USP35: variants seen among roughly 807,000 people sequenced by gnomAD.
The protein encoded by USP35 is ubiquitin specific peptidase 35.
Under a neutral mutation model 83.8 loss-of-function variants are expected in USP35, and 69 were observed. The ratio of observed to expected loss-of-function variants is 0.82; its 90% CI spans 0.68 to 1.01. The LOEUF (loss-of-function observed/expected upper bound fraction) is 1.01, where lower values mean the gene tolerates loss of function less well. Ranked by LOEUF, USP35 falls within the 50% of genes least tolerant of loss-of-function variation. USP35 has a pLI of 0.00. For synonymous variants in USP35, 714 were observed against 589.5 expected, an observed-to-expected ratio of 1.21 and a Z score of -3.06; for missense variants, 1,503 against 1,362.5, an observed-to-expected ratio of 1.10 and a Z score of -1.62.
intron 1 of USP35, among the ~76,000 whole-genome samples, chr11:78,194,028 G>A (rs1045366753): frequency 5.3e-5 from 8 of 151,182 alleles, no homozygotes; most frequent in African/African-American, 9.7e-5. Context: ...CACCGCGCCC[G>A]GCCGCATCTG....
chr11:78,217,068 A>G (rs1038559568), downstream of USP35: 4 of 152,394 alleles, frequency 2.6e-5, no homozygotes, highest in African/African-American at 4.8e-5. Flanking sequence ...CCTCCTCTGT[A>G]AAAATCTGAC....
chr11:78,217,965 G>A (rs1323630520), downstream of USP35: 1 of 152,788 alleles, frequency 6.5e-6, no homozygotes, highest in Admixed American at 6.5e-5. Context: ...CCCATCCTAG[G>A]AACGGTCCTC....
the USP35 span, chr11:78,226,471 G>A: frequency 1.9e-6 from 3 of 1,612,490 alleles, no homozygotes; most frequent in Non-Finnish European, 2.5e-6. Flanking sequence ...TGACCTCGGT[G>A]AAGTCGGCTG....
the USP35 span, chr11:78,225,098 C>T: frequency 1.9e-6 from 3 of 1,592,576 alleles, no homozygotes; most frequent in Non-Finnish European, 2.6e-6. Context: ...TTGGGTTAAC[C>T]CACACTCACC....
At position 78,207,565 on chromosome 11, in the gene USP35, A is replaced by C; in HGVS notation, c.1427A>C (p.Asn476Thr). 6.2e-7 allele frequency: 1 copy of C among 1,614,052 alleles called. No individual in the cohort carries two copies. Among genetic ancestry groups the C allele is most frequent in the Non-Finnish European group, 8.5e-7 (1 of 1,180,002 alleles). ...TGTGTGCTCCGCTTGACTGAGAACA[A>C]CTCACAGCCCCTGATGACCAAGCTG... ...RHCVLRLTENNSQPLMTKLQW... is the reference protein window; with the variant it reads ...RHCVLRLTENTSQPLMTKLQW... The change falls in exon 8 of 11, where the codon AAC (asparagine) becomes ACC (threonine). Residue 476 changes from asparagine (N) to threonine (T), a missense_variant. Physicochemically the swap from Asn to Thr is moderately conservative, Grantham distance 65. Coordinates refer to ENST00000529308, the MANE Select transcript of USP35 (RefSeq NM_020798.4).
At chr11:78,199,044 CTG>C (rs1863253720) in intron 3 of USP35, 1 of 156,214 alleles carries the variant, frequency 6.4e-6, no homozygotes, top group African/African-American at 2.4e-5. Context: ...CACAGGCAGG[CTG>C]TGTTGTGGGG....
At position 78,214,061 on chromosome 11, in the gene USP35, GCA is replaced by G. The variant is rs1863940143; in HGVS notation, c.*254_*255del. ...GGTTAACTTGAAGCAGCCGAGATGG[GCA>G]CACACGGGTCTTTGCCTCCCCCTCC... On this transcript the variant is annotated 3_prime_UTR_variant, in exon 11 of 11. Coordinates refer to ENST00000529308, the MANE Select transcript of USP35 (RefSeq NM_020798.4). The G allele has an allele frequency of 9.9e-6, 4 of 402,394 alleles. No homozygotes were observed. Among genetic ancestry groups the G allele is most frequent in the Non-Finnish European group, 1.3e-5 (3 of 229,568 alleles). 24.9% of individuals were successfully genotyped at this position (402,394 alleles called of 1,614,324 possible).
intron 8 of USP35, 21 bp downstream of exon 8, chr11:78,207,644 A>T: frequency 2.5e-6 from 4 of 1,611,116 alleles, no homozygotes; most frequent in Non-Finnish European, 3.4e-6. Flanking sequence ...GGGCAGTCAG[A>T]GGGGGGTGGA....
At chr11:78,204,593 G>T (rs1425799959) in intron 6 of USP35, among the ~76,000 whole-genome samples, 1 of 152,194 alleles carries the variant, frequency 6.6e-6, no homozygotes, top group Non-Finnish European at 1.5e-5. Flanking sequence ...CTCTGCGTGT[G>T]CACGGATATG....
the USP35 span, among the ~76,000 whole-genome samples, chr11:78,224,276 T>C: frequency 0.039 from 5,971 of 152,202 alleles, 360 homozygotes; most frequent in African/African-American, 0.14. Context: ...GCATAGTCCA[T>C]AGACTGTAGG....
At chr11:78,224,560 T>C in the USP35 span, among the ~76,000 whole-genome samples, 1 of 152,200 alleles carries the variant, frequency 6.6e-6, no homozygotes, top group Non-Finnish European at 1.5e-5. Flanking sequence ...TGCCGTGACA[T>C]ACAACTAAGC....
the USP35 span, chr11:78,221,840 C>A: frequency 8.2e-7 from 1 of 1,217,228 alleles, no homozygotes. Flanking sequence ...ATGTTTCTAG[C>A]CTCCAGCTGG....
In USP35 at chr11:78,208,783, G is replaced by A. The variant is rs536770315; in HGVS notation, c.1486-74G>A. 12 of 1,531,592 alleles carry A rather than the reference G, an allele frequency of 7.8e-6. No individual in the cohort carries two copies. The East Asian group carries it at 2.7e-4, about 35-fold the overall frequency. 94.9% of individuals were successfully genotyped at this position (1,531,592 alleles called of 1,614,324 possible). A position where few individuals can be genotyped will look rare whatever the true frequency, so the allele number is the denominator to read the frequency against. On this transcript the variant is annotated intron_variant, in intron 8 of 10. Transcript: ENST00000529308. ...GCCGAGGGAATGAGGTAGACCCTCA[G>A]GCCTAACCTGTGCAGAGCTGGCTGG... is the stretch of plus-strand genomic sequence containing the variant.
the USP35 span, among the ~76,000 whole-genome samples, chr11:78,236,005 G>A: frequency 6.6e-6 from 1 of 152,062 alleles, no homozygotes; most frequent in Admixed American, 6.6e-5. Context: ...TTTTTATTTG[G>A]ATTGTGTTGA....
rs557275641 is a variant in USP35, at chr11:78,205,843, A to C, written c.1199A>C (p.Asp400Ala). Residue 400 changes from aspartate to alanine, a missense_variant and splice_region_variant, in exon 7 of 11, where the codon GAC becomes GCC. Physicochemically the swap from Asp to Ala is moderately radical, Grantham distance 126. Transcript: ENST00000529308. ...LYEPVMEAIKDLHVPNEDRIK... is the reference protein window; with the variant it reads ...LYEPVMEAIKALHVPNEDRIK... Reference sequence around the variant, plus strand: ...CCTGCCTGCTTATTCCCTCCTCAGGACCTCCATGTTCCCAATGAGGACCGC... The same window carrying C: ...CCTGCCTGCTTATTCCCTCCTCAGGCCCTCCATGTTCCCAATGAGGACCGC... 33 of 1,610,792 alleles carry C rather than the reference A, an allele frequency of 2.0e-5. 2 individuals are homozygous for C. In the South Asian group the frequency reaches 3.3e-4, roughly 16 times the overall value.
intron 3 of USP35, 194 bp from the exon 4 acceptor site, chr11:78,199,401 G>A (rs1331831864): frequency 1.3e-6 from 1 of 764,442 alleles, no homozygotes; most frequent in East Asian, 2.7e-5. Flanking sequence ...GGGAGCCTCA[G>A]TGTCTGGCAG....
chr11:78,199,729 G>A lies in USP35; in HGVS notation c.936+5G>A. ...TCGCTCACCAAAATTGAGAAGGTTG[G>A]TGCCCCTGTCCTAGCCCAGAGTTAC... On this transcript the variant is annotated splice_donor_5th_base_variant and intron_variant, in intron 4 of 10. Transcript: ENST00000529308. The A allele has an allele frequency of 1.2e-6, 2 of 1,614,158 alleles. No individual in the cohort carries two copies. Among genetic ancestry groups the A allele is most frequent in the South Asian group, 1.1e-5 (1 of 91,084 alleles).
Position 78,196,602 on chromosome 11 carries a change from G to A in USP35, c.357G>A (p.Glu119=). 1.6e-6 allele frequency: 2 copies of A among 1,272,540 alleles called. No individual in the cohort carries two copies. The highest frequency in any genetic ancestry group is 1.6e-5 in the African/African-American group (1 of 62,374). The allele number at this position is 1,272,540 out of a possible 1,614,324, so 78.8% of individuals were successfully genotyped here. ...QLLPEGPAAD[E]VFALLRREVL... is the part of the protein sequence containing the mutation. ...TGCCCGAGGGGCCTGCGGCCGACGA[G>A]GTGTTCGCGCTGCTGCGGCGCGAGG... Residue 119 remains glutamate, a synonymous_variant, in exon 2 of 11, where the codon GAG becomes GAA. Coordinates refer to ENST00000529308, the MANE Select transcript of USP35 (RefSeq NM_020798.4). This position sits in a 1 kb window ranked among gnomAD's most constrained non-coding sequence, Gnocchi z 4.8.
At chr11:78,233,412 A>G in the USP35 span, among the ~76,000 whole-genome samples, 1 of 152,142 alleles carries the variant, frequency 6.6e-6, no homozygotes, top group African/African-American at 2.4e-5. Flanking sequence ...CATTTCCCAG[A>G]TCACTGATCA....
Sources: gnomAD v4.1 joint callset for allele counts (sites outside exome capture counted in the v4.1 genomes callset) on GRCh38, gnomAD v4.1.1 for gene constraint, Gnocchi (gnomAD v3.1) non-coding constraint, MANE v1.5 for transcripts, NCBI Gene and HGNC (gene_info 2026-07-23, HGNC 2026-07-21) for gene names.